SBNO1: variants seen among roughly 807,000 people sequenced by gnomAD.
SBNO1 encodes the protein strawberry notch homolog 1, also known as protein strawberry notch homolog 1.
Under a neutral mutation model 173.6 loss-of-function variants are expected in SBNO1, and 23 were observed. That is an observed-to-expected ratio of 0.13 (90% CI 0.10 to 0.19). SBNO1 has a LOEUF of 0.19. Ranked by LOEUF, SBNO1 falls within the 10% of genes least tolerant of loss-of-function variation. The pLI, the probability that SBNO1 is intolerant of heterozygous loss-of-function variation, is 1.00. For synonymous variants in SBNO1, 632 were observed against 571.5 expected, an observed-to-expected ratio of 1.11 and a Z score of -1.51; for missense variants, 1,238 against 1,671.2, an observed-to-expected ratio of 0.74 and a Z score of 4.52.
At chr12:123,325,332 T>C (rs1566036844) in intron 15 of SBNO1, among the ~76,000 whole-genome samples, 170 bp downstream of exon 15, 1 of 152,246 alleles carries the variant, frequency 6.6e-6, no homozygotes, top group African/African-American at 2.4e-5. Flanking sequence ...ATTTCTGTTA[T>C]TGTTTTCCAA....
At chr12:123,362,641 T>C (rs1042328115) in intron 1 of SBNO1, among the ~76,000 whole-genome samples, 3 of 148,588 alleles carry the variant, frequency 2.0e-5, no homozygotes, top group African/African-American at 7.5e-5. Context: ...TGGTGGCACA[T>C]GCCTGCAATC....
chr12:123,297,010 G>GA (rs1350571526), intron 31 of SBNO1, among the ~76,000 whole-genome samples: 2 of 151,782 alleles, frequency 1.3e-5, no homozygotes, highest in Admixed American at 6.6e-5. Context: ...GGCTGCTTTT[G>GA]AAACTGGAAA....
chr12:123,364,556 A>G (rs28446728), intron 1 of SBNO1, 145 bp downstream of exon 1: 949,032 of 984,986 alleles, frequency 0.96, 457,411 homozygotes, highest in African/African-American at 0.99. Flanking sequence ...GGCCGCGAGG[A>G]GCGGCAAGCG....
chr12:123,315,500 G>A (rs372598879), intron 22 of SBNO1, 48 bp downstream of exon 22: 4 of 1,584,482 alleles, frequency 2.5e-6, no homozygotes, highest in Non-Finnish European at 3.5e-6. Context: ...CAGAAAACAG[G>A]TACAATAGAT....
chr12:123,364,460 C>G, intron 1 of SBNO1: 8 of 985,502 alleles, frequency 8.1e-6, no homozygotes, highest in Non-Finnish European at 9.6e-6. Flanking sequence ...CGAGCGGCGA[C>G]AGCGGGGCCC....
At chr12:123,332,249 C>A (rs1326984525) in intron 7 of SBNO1, among the ~76,000 whole-genome samples, 2 of 152,148 alleles carry the variant, frequency 1.3e-5, no homozygotes, top group Non-Finnish European at 2.9e-5. Context: ...GCCCGCCATA[C>A]CCCTTATCAA....
intron 19 of SBNO1, 61 bp from the exon 20 acceptor site, chr12:123,320,092 GC>G: frequency 6.3e-7 from 1 of 1,579,112 alleles, no homozygotes; most frequent in Non-Finnish European, 8.7e-7. Flanking sequence ...TGGACTCAGT[GC>G]CTCTTTCCTT....
chr12:123,347,816 T>C (rs532653499), intron 3 of SBNO1, among the ~76,000 whole-genome samples: 10,075 of 152,226 alleles, frequency 0.066, 433 homozygotes, highest in Middle Eastern at 0.12. Flanking sequence ...ATTACAGGCA[T>C]GAGCCACTGT....
chr12:123,301,206 C>T (rs1202852455), intron 30 of SBNO1, among the ~76,000 whole-genome samples: 2 of 152,036 alleles, frequency 1.3e-5, no homozygotes, highest in Non-Finnish European at 2.9e-5. Context: ...CGTGGTTTCA[C>T]CATGTTGGCC....
chr12:123,335,984 G>A (rs1446070235), intron 6 of SBNO1, among the ~76,000 whole-genome samples: 3 of 152,016 alleles, frequency 2.0e-5, no homozygotes, highest in Admixed American at 1.3e-4. Flanking sequence ...TCTAGACATA[G>A]ATTTGTTTCC....
intron 21 of SBNO1, 84 bp from the exon 22 acceptor site, chr12:123,315,744 C>T: frequency 1.3e-6 from 1 of 761,996 alleles, no homozygotes; most frequent in East Asian, 2.5e-5. Flanking sequence ...GCATTTAACA[C>T]TAAACTGGTA....
chr12:123,295,605 C>T lies in SBNO1; in HGVS notation c.*303G>A, dbSNP rs2138857323. 2 of 290,264 alleles carry T rather than the reference C, an allele frequency of 6.9e-6. No individual in the cohort carries two copies. The highest frequency in any genetic ancestry group is 1.3e-4 in the South Asian group (2 of 15,776). The allele number at this position is 290,264 out of a possible 1,614,324, so 18.0% of individuals were successfully genotyped here. On this transcript the variant is annotated 3_prime_UTR_variant, in exon 32 of 32. Transcript: ENST00000602398. ...TTTTAAACCAACTGTGGTCTGTAGC[C>T]TTTAACACACTCACAAACAGACTGA...
chr12:123,339,881 C>CTTA (rs1872321648), intron 5 of SBNO1, among the ~76,000 whole-genome samples: 1 of 152,130 alleles, frequency 6.6e-6, no homozygotes, highest in Admixed American at 6.5e-5. Context: ...AGCTTCCTGG[C>CTTA]TTATTTTCAC....
Position 123,327,593 on chromosome 12 carries a change from A to T in SBNO1, c.1539-14T>A, listed in dbSNP as rs1261383025. On this transcript the variant is annotated splice_polypyrimidine_tract_variant and intron_variant, in intron 12 of 31. Transcript: ENST00000602398. ...GCACCAACTCCTCTGAATAAAATTA[A>T]AACATACAGTAATTACCAATACAGT... 1 of 1,611,236 alleles carries T rather than the reference A, an allele frequency of 6.2e-7. No individual in the cohort carries two copies. Among genetic ancestry groups the T allele is most frequent in the Non-Finnish European group, 8.5e-7 (1 of 1,178,058 alleles).
chr12:123,344,848 C>CA, intron 4 of SBNO1, among the ~76,000 whole-genome samples: 1 of 151,108 alleles, frequency 6.6e-6, no homozygotes, highest in Non-Finnish European at 1.5e-5. Context: ...AAATCCGTCT[C>CA]AAAAAAAGAA....
rs768325768 is a variant in SBNO1 at position 123,309,759 on chromosome 12, T to C, written c.3393A>G (p.Ala1131=). ...LFQYFADTLT[A]VVQNAKKNGR... is the part of the protein sequence containing the mutation. Reference sequence around the variant, plus strand: ...CATTTTTTTTGGCATTTTGAACAACTGCAGTAAGTGTGTCCGCAAAATACT... The same window carrying C: ...CATTTTTTTTGGCATTTTGAACAACCGCAGTAAGTGTGTCCGCAAAATACT... Residue 1131 remains alanine, a synonymous_variant, in exon 26 of 32, where the codon GCA becomes GCG. Transcript: ENST00000602398. 6.2e-6 allele frequency: 10 copies of C among 1,612,814 alleles called. No homozygotes were observed. Among genetic ancestry groups the C allele is most frequent in the Non-Finnish European group, 8.5e-6 (10 of 1,179,680 alleles).
In SBNO1 at chr12:123,362,536, T is replaced by C. The variant is rs928352326; in HGVS notation, c.-1+2165A>G. 4.0e-5 allele frequency among the ~76,000 whole-genome samples: 5 copies of C among 124,854 alleles called. No individual in the cohort carries two copies. In the Admixed American group the frequency reaches 4.3e-4, roughly 11 times the overall value. The allele number at this position is 124,854 out of a possible 152,430, so 81.9% of individuals were successfully genotyped here. On this transcript the variant is annotated intron_variant, in intron 1 of 31. Transcript: ENST00000602398. Reference sequence around the variant, plus strand: ...ATTCCAGCACTCCGGGAGACAGAGGTGAGTGGATCACTTGAGGTCACTAGT... The same window carrying C: ...ATTCCAGCACTCCGGGAGACAGAGGCGAGTGGATCACTTGAGGTCACTAGT...
In SBNO1 at chr12:123,319,955, A is replaced by C. The variant is rs748564891; in HGVS notation, c.2744T>G (p.Val915Gly). 1 of 1,613,926 alleles carries C rather than the reference A, an allele frequency of 6.2e-7. No individual in the cohort carries two copies. Among genetic ancestry groups the C allele is most frequent in the South Asian group, 1.1e-5 (1 of 91,080 alleles). The part of the protein sequence containing the change: ...ISYESRSELD[V>G]PVEILNITEK... ...TGTGATGTTTAGTATTTCCACAGGC[A>C]CATCAAGTTCAGATCTTGACTCATA... Residue 915 changes from valine to glycine, a missense_variant, in exon 20 of 32, where the codon GTG becomes GGG. This residue lies in a region of SBNO1 where 45 missense variants were observed against 85.5 expected (regional missense o/e 0.53). Coordinates refer to ENST00000602398, the MANE Select transcript of SBNO1 (RefSeq NM_001167856.3).
chr12:123,360,675 C>T (rs1365161526), intron 1 of SBNO1, among the ~76,000 whole-genome samples: 1 of 151,982 alleles, frequency 6.6e-6, no homozygotes, highest in Non-Finnish European at 1.5e-5. Flanking sequence ...GATCTCCTCA[C>T]CTCGTGATCC....
Sources: allele counts gnomAD v4.1 joint callset (sites outside exome capture counted in the v4.1 genomes callset), GRCh38; gene constraint gnomAD v4.1.1; regional missense constraint gnomAD v4.1.1; transcripts MANE v1.5; gene names NCBI Gene and HGNC (gene_info 2026-07-23, HGNC 2026-07-21).